The following BNC2 variants were observed in gnomAD, a reference collection of about 807,000 sequenced individuals.
BNC2 encodes the protein basonuclin zinc finger protein 2.
A neutral mutation model predicts 76.3 loss-of-function variants in BNC2; 20 were observed. That is an observed-to-expected ratio of 0.26 (90% confidence interval 0.18 to 0.38). The LOEUF is 0.38. Ranked by LOEUF, BNC2 falls within the 10% of genes least tolerant of loss-of-function variation. The probability of loss-of-function intolerance (pLI) is 1.00; values close to 1 mark genes in which losing one functional copy is unlikely to be tolerated. For missense variants in BNC2, 1,382 were observed against 1,399.8 expected (o/e 0.99, Z 0.20); for synonymous variants, 582 against 514.8 (o/e 1.13, Z -1.77).
intron 1 of BNC2, among the ~76,000 whole-genome samples, chr9:16,854,192 G>A (rs1231092502): frequency 6.6e-6 from 1 of 152,138 alleles, no homozygotes. Flanking sequence ...AGGAAAGATT[G>A]AAAGGTAAAA....
At chr9:16,566,666 T>C (rs1819178018) in intron 4 of BNC2, among the ~76,000 whole-genome samples, 1 of 152,150 alleles carries the variant, frequency 6.6e-6, no homozygotes, top group Admixed American at 6.5e-5. Context: ...ATGAAAATCA[T>C]CCATAATGGT....
chr9:16,552,748 T>C lies in BNC2; in HGVS notation c.451A>G (p.Thr151Ala). 1 of 1,614,110 alleles carries C rather than the reference T, an allele frequency of 6.2e-7. No homozygotes were observed. Among genetic ancestry groups the C allele is most frequent in the Non-Finnish European group, 8.5e-7 (1 of 1,180,002 alleles). ...WVAHALDKLSTQHLYHPTQVE... is the reference protein window; with the variant it reads ...WVAHALDKLSAQHLYHPTQVE... Reference sequence around the variant, plus strand: ...TGGGTGGGGTGGTACAGGTGCTGCGTGCTGAGCTTATCCAAGGCTGTGGTG... The same window carrying C: ...TGGGTGGGGTGGTACAGGTGCTGCGCGCTGAGCTTATCCAAGGCTGTGGTG... Residue 151 changes from threonine (T) to alanine (A), a missense_variant, in exon 5 of 7, where the codon ACG becomes GCG. Thr to Ala is a moderately conservative substitution (Grantham distance 58). Around this residue, in one of 3 missense-constraint regions of BNC2, gnomAD observed 557 missense variants for 540.9 expected, o/e 1.03. Coordinates refer to ENST00000380672, the MANE Select transcript of BNC2 (RefSeq NM_017637.6).
intron 1 of BNC2, among the ~76,000 whole-genome samples, chr9:16,745,591 T>C (rs1324211681): frequency 6.6e-6 from 1 of 152,220 alleles, no homozygotes; most frequent in Non-Finnish European, 1.5e-5. Context: ...TCTAAGTTCA[T>C]GATGCCTGGC....
At chr9:16,761,327 A>G (rs376831290) in intron 1 of BNC2, among the ~76,000 whole-genome samples, 4 of 152,312 alleles carry the variant, frequency 2.6e-5, no homozygotes, top group African/African-American at 9.6e-5. Flanking sequence ...AGAGGTAGCA[A>G]TAGTTAGCTG....
chr9:16,537,039 G>A (rs1348350465), intron 5 of BNC2, among the ~76,000 whole-genome samples: 1 of 152,000 alleles, frequency 6.6e-6, no homozygotes, highest in Admixed American at 6.6e-5. Context: ...CCTATAAAGT[G>A]AAAATTATAT....
chr9:16,840,501 C>G (rs999051279), intron 1 of BNC2, among the ~76,000 whole-genome samples: 5 of 152,182 alleles, frequency 3.3e-5, no homozygotes, highest in Non-Finnish European at 4.4e-5. Context: ...TTTATTCACC[C>G]TATCACAAGT....
chr9:16,461,392 G>C (rs201363181), intron 5 of BNC2, among the ~76,000 whole-genome samples: 1 of 152,172 alleles, frequency 6.6e-6, no homozygotes, highest in African/African-American at 2.4e-5. Context: ...TCACAGAACA[G>C]AGAAGCCACT....
At chr9:16,846,514 G>A (rs1347360507) in intron 1 of BNC2, among the ~76,000 whole-genome samples, 1 of 152,180 alleles carries the variant, frequency 6.6e-6, no homozygotes. Context: ...TCTATCACCA[G>A]CATTAACTGC....
At chr9:16,586,441 G>GA (rs1249951266) in intron 3 of BNC2, among the ~76,000 whole-genome samples, 1 of 152,164 alleles carries the variant, frequency 6.6e-6, no homozygotes, top group African/African-American at 2.4e-5. Flanking sequence ...ACACGTGCCT[G>GA]AAACTGTCTC....
chr9:16,564,960 C>T (rs1377042600), intron 4 of BNC2, among the ~76,000 whole-genome samples: 1 of 152,040 alleles, frequency 6.6e-6, no homozygotes, highest in Non-Finnish European at 1.5e-5. Context: ...CCCTTGCTTC[C>T]GTAGGTCATC....
At chr9:16,561,311 C>T (rs1453175581) in intron 4 of BNC2, among the ~76,000 whole-genome samples, 1 of 151,840 alleles carries the variant, frequency 6.6e-6, no homozygotes, top group Admixed American at 6.6e-5. Context: ...CCCCCACTCA[C>T]ATACCACACT....
intron 3 of BNC2, among the ~76,000 whole-genome samples, chr9:16,660,582 C>T (rs545753507): frequency 6.6e-6 from 1 of 151,730 alleles, no homozygotes; most frequent in Non-Finnish European, 1.5e-5. Context: ...CCTTCACAAA[C>T]AAAGCCAAAC....
At chr9:16,430,595 C>T (rs1471879400) in intron 6 of BNC2, among the ~76,000 whole-genome samples, 1 of 152,162 alleles carries the variant, frequency 6.6e-6, no homozygotes, top group Non-Finnish European at 1.5e-5. Flanking sequence ...GCATCTTCAC[C>T]TCTGTCGTTA....
intron 5 of BNC2, among the ~76,000 whole-genome samples, chr9:16,440,111 A>G (rs1821095999): frequency 6.6e-6 from 1 of 152,226 alleles, no homozygotes; most frequent in East Asian, 1.9e-4. Flanking sequence ...TAAATACATT[A>G]TCTCATTTCA....
chr9:16,574,358 C>G (rs1039376790), intron 4 of BNC2, among the ~76,000 whole-genome samples: 1 of 152,110 alleles, frequency 6.6e-6, no homozygotes, highest in Admixed American at 6.6e-5. Flanking sequence ...TTAATCCTAC[C>G]TAAAATTCAC....
intron 1 of BNC2, among the ~76,000 whole-genome samples, chr9:16,750,870 A>C (rs567136333): frequency 6.6e-6 from 1 of 152,350 alleles, no homozygotes; most frequent in East Asian, 1.9e-4. Context: ...AAGATGAATA[A>C]ATGAATGATT....
intron 5 of BNC2, among the ~76,000 whole-genome samples, chr9:16,496,853 C>T (rs1329959292): frequency 1.3e-5 from 2 of 152,198 alleles, no homozygotes; most frequent in East Asian, 3.8e-4. Context: ...ACCAGACACC[C>T]AGTTGCTGTT....
At chr9:16,425,532 G>C (rs1210582487) in intron 6 of BNC2, among the ~76,000 whole-genome samples, 1 of 152,162 alleles carries the variant, frequency 6.6e-6, no homozygotes, top group African/African-American at 2.4e-5. Context: ...TAATGTGCTT[G>C]TCCCAGGAAT....
intron 1 of BNC2, among the ~76,000 whole-genome samples, chr9:16,772,816 C>A (rs549091757): frequency 6.6e-6 from 1 of 152,300 alleles, no homozygotes; most frequent in African/African-American, 2.4e-5. Flanking sequence ...GTTATACATT[C>A]CCGTACAAAA....
Sources: gnomAD v4.1 joint callset for allele counts (sites outside exome capture counted in the v4.1 genomes callset) on GRCh38, gnomAD v4.1.1 for gene constraint, gnomAD v4.1.1 regional missense constraint, MANE v1.5 for transcripts, NCBI Gene and HGNC (gene_info 2026-07-23, HGNC 2026-07-21) for gene names.